PSMG4: variants seen among roughly 807,000 people sequenced by gnomAD.
PSMG4 encodes the protein proteasome assembly chaperone 4.
Under a neutral mutation model 11.0 loss-of-function variants are expected in PSMG4, and 10 were observed. The ratio of observed to expected loss-of-function variants is 0.91; its 90% CI spans 0.56 to 1.54. PSMG4 has a LOEUF of 1.54. PSMG4 is among the 40% of genes most tolerant of loss of function. The pLI is 0.00. For missense variants in PSMG4, 198 were observed against 160.9 expected, an observed-to-expected ratio of 1.23 and a Z score of -1.25; for synonymous variants, 95 against 71.3, an observed-to-expected ratio of 1.33 and a Z score of -1.68.
upstream of PSMG4, chr6:3,255,378 T>G: frequency 7.1e-7 from 1 of 1,407,320 alleles, no homozygotes; most frequent in Non-Finnish European, 9.4e-7. Flanking sequence ...GTGGATGATG[T>G]TTGTTGAGTG....
At chr6:3,263,643 G>A (rs765499056) in intron 1 of PSMG4, 41 bp from the exon 2 acceptor site, 18 of 1,474,578 alleles carry the variant, frequency 1.2e-5, no homozygotes, top group Admixed American at 9.4e-5. Context: ...TGGCCTGCGG[G>A]GGGTGGAGAA....
At position 3,263,725 on chromosome 6, in the gene PSMG4, C is replaced by G. The variant is rs370349259; in HGVS notation, c.216C>G (p.Ser72=). Residue 72 remains serine, a synonymous_variant, in exon 2 of 3, where the codon TCC becomes TCG. Transcript: ENST00000438998. ...CTACCTCCCTCCTTGGAGACACTTC[C>G]GACACGACCTCTACTGGCCTTGCCC... ...PVSTSLLGDT[S]DTTSTGLAQR... 1 of 1,550,986 alleles carries G rather than the reference C, an allele frequency of 6.4e-7. No homozygotes were observed. Among genetic ancestry groups the G allele is most frequent in the African/African-American group, 1.4e-5 (1 of 73,016 alleles).
At chr6:3,260,490 T>TG (rs1757949638) in intron 1 of PSMG4, among the ~76,000 whole-genome samples, 1 of 151,870 alleles carries the variant, frequency 6.6e-6, no homozygotes, top group African/African-American at 2.4e-5. Flanking sequence ...GGTTTCATTA[T>TG]GTTGGCCAGG....
At chr6:3,257,895 A>T (rs1757819052), upstream of PSMG4, among the ~76,000 whole-genome samples, 2 of 152,248 alleles carry the variant, frequency 1.3e-5, no homozygotes, top group Non-Finnish European at 2.9e-5. Flanking sequence ...TAAAATATTG[A>T]CCTGAAAATT....
upstream of PSMG4, among the ~76,000 whole-genome samples, chr6:3,255,636 C>T (rs11242832): frequency 0.68 from 103,846 of 152,046 alleles, 38,725 homozygotes; most frequent in Non-Finnish European, 0.83. Flanking sequence ...TTGTAGCTTG[C>T]GCCCACAGAC....
chr6:3,264,304 C>G, intron 2 of PSMG4: 1 of 1,551,066 alleles, frequency 6.4e-7, no homozygotes, highest in Non-Finnish European at 8.7e-7. Flanking sequence ...TCCCACACCC[C>G]AACACACTTC....
upstream of PSMG4, among the ~76,000 whole-genome samples, chr6:3,254,742 G>C (rs575403554): frequency 3.3e-5 from 5 of 152,054 alleles, no homozygotes; most frequent in East Asian, 5.8e-4. Flanking sequence ...CTCCCCCTGT[G>C]CCTCTTTTAA....
In PSMG4 at chr6:3,260,218, G is replaced by A. The variant is rs1268738253; in HGVS notation, c.174+1022G>A. On this transcript the variant is annotated intron_variant, in intron 1 of 2. Transcript: ENST00000438998. ...CAGTGAGCCCGACTCTTCTCATAAG[G>A]ACATCAGTAATGTTGGATTAAGGGC... 2.7e-5 allele frequency among the ~76,000 whole-genome samples: 4 copies of A among 149,682 alleles called. No individual in the cohort carries two copies. The East Asian group carries it at 5.9e-4, about 22-fold the overall frequency.
chr6:3,261,044 A>G (rs939526908), intron 1 of PSMG4, among the ~76,000 whole-genome samples: 2 of 152,010 alleles, frequency 1.3e-5, no homozygotes, highest in African/African-American at 4.8e-5. Context: ...ACCGCTCTCT[A>G]AGTCCCTGTG....
At chr6:3,254,560 G>T (rs539962482), upstream of PSMG4, among the ~76,000 whole-genome samples, 77 of 152,200 alleles carry the variant, frequency 5.1e-4, no homozygotes, top group South Asian at 1.7e-3. Context: ...TTTGTTCTCG[G>T]GGTTTGTGAG....
chr6:3,259,289 G>A, intron 1 of PSMG4, 93 bp downstream of exon 1: 2 of 1,124,648 alleles, frequency 1.8e-6, no homozygotes, highest in African/African-American at 3.2e-5. Flanking sequence ...CTTCTCTTGG[G>A]TCCACAGGGC....
chr6:3,264,367 T>C, intron 2 of PSMG4: 1 of 1,533,524 alleles, frequency 6.5e-7, no homozygotes, highest in Non-Finnish European at 8.8e-7. Context: ...CCCCAGTGCC[T>C]GTGGCCAGTG....
Position 3,267,883 on chromosome 6 carries a change from G to C in PSMG4, c.*171G>C. 1 of 610,386 alleles carries C rather than the reference G, an allele frequency of 1.6e-6. No homozygotes were observed. The highest frequency in any genetic ancestry group is 3.1e-5 in the East Asian group (1 of 32,266). The allele number at this position is 610,386 out of a possible 1,614,324, so 37.8% of individuals were successfully genotyped here. On this transcript the variant is annotated 3_prime_UTR_variant, in exon 3 of 3. Coordinates refer to ENST00000438998, the MANE Select transcript of PSMG4 (RefSeq NM_001128591.2). ...CCAAAAGGCTCATACTGACCCACCT[G>C]GTGAAGGAGAGGCAAAGTGGGCAGT... is the stretch of plus-strand genomic sequence containing the variant.
At chr6:3,254,473 A>C (rs984832114), upstream of PSMG4, among the ~76,000 whole-genome samples, 71 of 151,634 alleles carry the variant, frequency 4.7e-4, no homozygotes, top group Admixed American at 2.9e-3. Context: ...GTCTTTTTAG[A>C]TAAATATTGT....
chr6:3,254,734 C>A (rs1277721672), upstream of PSMG4, among the ~76,000 whole-genome samples: 1 of 152,096 alleles, frequency 6.6e-6, no homozygotes. Context: ...AAAACAAACT[C>A]CCCCTGTGCC....
upstream of PSMG4, among the ~76,000 whole-genome samples, chr6:3,257,755 G>A (rs1290410624): frequency 2.0e-5 from 3 of 151,338 alleles, no homozygotes. Context: ...CTGAGGGCAG[G>A]AGGGAGTACT....
At chr6:3,255,410 C>T (rs754191175), upstream of PSMG4, among the ~76,000 whole-genome samples, 36 of 152,098 alleles carry the variant, frequency 2.4e-4, no homozygotes, top group Non-Finnish European at 4.4e-4. Context: ...AGGATTTTCA[C>T]ACTTCGTGGA....
chr6:3,254,995 A>G (rs1020356271), upstream of PSMG4: 25 of 1,523,268 alleles, frequency 1.6e-5, no homozygotes, highest in African/African-American at 3.0e-4. Context: ...CCATGGACCT[A>G]GCGCACTCCC....
At position 3,262,471 on chromosome 6, in the gene PSMG4, C is replaced by T. The variant is rs1370361242; in HGVS notation, c.175-1213C>T. Among the ~76,000 whole-genome samples, 5 of 152,190 alleles carry T rather than the reference C, an allele frequency of 3.3e-5. No homozygotes were observed. The East Asian group carries it at 5.8e-4, about 18-fold the overall frequency. Reference sequence around the variant, plus strand: ...GTATCGTTTTTAGTGAAGAAGCATACAGTAAATGCTTTCATTCTTCTCCTG... The same window carrying T: ...GTATCGTTTTTAGTGAAGAAGCATATAGTAAATGCTTTCATTCTTCTCCTG... On this transcript the variant is annotated intron_variant, in intron 1 of 2. Transcript: ENST00000438998.
Sources: gnomAD v4.1 joint callset for allele counts (sites outside exome capture counted in the v4.1 genomes callset) on GRCh38, gnomAD v4.1.1 for gene constraint, MANE v1.5 for transcripts, NCBI Gene and HGNC (gene_info 2026-07-23, HGNC 2026-07-21) for gene names.